Variants in NOX4 observed in about 807,000 individuals in gnomAD.
NOX4 encodes kidney oxidase-1.
NOX4 carries 69 observed loss-of-function variants against 87.6 expected under a neutral mutation model. The ratio of observed to expected loss-of-function variants is 0.79; its 90% CI spans 0.65 to 0.96. NOX4 has a LOEUF of 0.96. NOX4 is among the 40% of genes least tolerant of loss of function. The pLI, the probability that NOX4 is intolerant of heterozygous loss-of-function variation, is 0.00. For synonymous variants in NOX4, 275 were observed against 238.2 expected (o/e 1.15, Z -1.42); for missense variants, 680 against 681.5 (o/e 1.00, Z 0.02).
the NOX4 span, among the ~76,000 whole-genome samples, chr11:89,574,680 G>C: frequency 1.3e-5 from 2 of 152,062 alleles, no homozygotes; most frequent in African/African-American, 2.4e-5. Context: ...AAGTACCTGC[G>C]TGGCACTTAG....
upstream of NOX4, chr11:89,499,275 C>A (rs1427619810): frequency 6.6e-6 from 1 of 152,052 alleles, no homozygotes; most frequent in Non-Finnish European, 1.5e-5. Context: ...GGTGTTAGAG[C>A]AAGAAATTTT....
intron 11 of NOX4, among the ~76,000 whole-genome samples, chr11:89,378,394 T>A (rs953929597): frequency 1.3e-5 from 2 of 152,164 alleles, no homozygotes; most frequent in Non-Finnish European, 2.9e-5. Context: ...CATAAAGATA[T>A]CCTAATTTTT....
At chr11:89,536,447 T>G in the NOX4 span, among the ~76,000 whole-genome samples, 1 of 152,086 alleles carries the variant, frequency 6.6e-6, no homozygotes, top group Non-Finnish European at 1.5e-5. Flanking sequence ...TGCCCAGCGA[T>G]CTGGTCCTTT....
chr11:89,491,166 G>A, intron 1 of NOX4, 24 bp downstream of exon 1: 1 of 1,610,994 alleles, frequency 6.2e-7, no homozygotes. Flanking sequence ...GAGAACGCAA[G>A]GAGAGCCTAG....
chr11:89,424,667 A>C (rs1016561410), intron 7 of NOX4, among the ~76,000 whole-genome samples: 2 of 151,948 alleles, frequency 1.3e-5, no homozygotes, highest in African/African-American at 4.8e-5. Context: ...TCATATTAGT[A>C]AGTGCCATTT....
chr11:89,449,579 T>G (rs533367007), intron 3 of NOX4, 55 bp from the exon 4 acceptor site: 2 of 1,395,992 alleles, frequency 1.4e-6, no homozygotes, highest in Admixed American at 1.8e-5. Flanking sequence ...TGATAAAAGT[T>G]TTTCAGTATA....
At chr11:89,470,405 G>A (rs1242545895) in intron 2 of NOX4, among the ~76,000 whole-genome samples, 1 of 152,114 alleles carries the variant, frequency 6.6e-6, no homozygotes, top group Non-Finnish European at 1.5e-5. Flanking sequence ...GCAACTATGT[G>A]TTCTATAAAT....
intron 7 of NOX4, among the ~76,000 whole-genome samples, chr11:89,427,248 C>A (rs319043): frequency 9.9e-5 from 15 of 151,856 alleles, no homozygotes; most frequent in Non-Finnish European, 2.2e-4. Context: ...AGACCAAAGA[C>A]AGATAAAACC....
At chr11:89,448,842 C>T (rs193236771) in intron 4 of NOX4, among the ~76,000 whole-genome samples, 35 of 152,028 alleles carry the variant, frequency 2.3e-4, no homozygotes, top group Admixed American at 1.6e-3. Context: ...AAGATTGTAC[C>T]GCTGTACTCC....
chr11:89,422,618 T>G (rs894231494), intron 7 of NOX4, among the ~76,000 whole-genome samples: 2 of 152,018 alleles, frequency 1.3e-5, no homozygotes, highest in African/African-American at 4.8e-5. Flanking sequence ...TATTAGAATA[T>G]TGGAATTAGA....
intron 12 of NOX4, among the ~76,000 whole-genome samples, chr11:89,355,703 G>C (rs1254249790): frequency 6.6e-6 from 1 of 152,074 alleles, no homozygotes; most frequent in East Asian, 1.9e-4. Flanking sequence ...ATGTACTGCT[G>C]GTGGGAGTCC....
At chr11:89,535,948 G>A in the NOX4 span, among the ~76,000 whole-genome samples, 1 of 151,892 alleles carries the variant, frequency 6.6e-6, no homozygotes, top group Non-Finnish European at 1.5e-5. Context: ...GAAATCCCAC[G>A]GTCTCTGCTT....
chr11:89,518,539 C>T, the NOX4 span, among the ~76,000 whole-genome samples: 1 of 151,994 alleles, frequency 6.6e-6, no homozygotes, highest in Admixed American at 6.6e-5. Flanking sequence ...TCTGCATGTT[C>T]TTTGCAAGAG....
rs773346493 is a variant in NOX4 at position 89,432,876 on chromosome 11, T to G, written c.476-20A>C. 5 of 1,556,234 alleles carry G rather than the reference T, an allele frequency of 3.2e-6. No individual in the cohort carries two copies. Among genetic ancestry groups the G allele is most frequent in the Non-Finnish European group, 4.4e-6 (5 of 1,129,662 alleles). The stretch of plus-strand genomic sequence containing the variant: ...CAGGAACTATAAAAATGTATACAAG[T>G]AGGTTTTTACTTAAATCATAGTGAG... On this transcript the variant is annotated intron_variant, in intron 6 of 17. Coordinates refer to ENST00000263317, the MANE Select transcript of NOX4 (RefSeq NM_016931.5).
chr11:89,510,069 T>C, the NOX4 span, among the ~76,000 whole-genome samples: 2 of 152,156 alleles, frequency 1.3e-5, no homozygotes, highest in African/African-American at 4.8e-5. Context: ...TCGAAAAAGT[T>C]AGATATTGGT....
At chr11:89,546,571 GTT>G in the NOX4 span, 1 of 152,220 alleles carries the variant, frequency 6.6e-6, no homozygotes, top group East Asian at 1.9e-4. Flanking sequence ...GTCTTAGTCT[GTT>G]TTGCATTGCT....
chr11:89,331,524 A>T (rs1945469723), intron 17 of NOX4, among the ~76,000 whole-genome samples: 1 of 151,834 alleles, frequency 6.6e-6, no homozygotes. Context: ...CTATTGAAAC[A>T]TAATGTAGCT....
chr11:89,424,968 T>A (rs1943296820), intron 7 of NOX4, among the ~76,000 whole-genome samples: 1 of 152,104 alleles, frequency 6.6e-6, no homozygotes, highest in African/African-American at 2.4e-5. Flanking sequence ...ATAATCTTGT[T>A]TAAACAAATT....
the NOX4 span, among the ~76,000 whole-genome samples, chr11:89,560,976 C>CTA: frequency 1.4e-5 from 1 of 71,902 alleles, no homozygotes; most frequent in South Asian, 4.6e-4. Flanking sequence ...CTCTCTCTCT[C>CTA]TCTCTCTCTC....
Sources: allele counts gnomAD v4.1 joint callset (sites outside exome capture counted in the v4.1 genomes callset), GRCh38; gene constraint gnomAD v4.1.1; transcripts MANE v1.5; gene names NCBI Gene and HGNC (gene_info 2026-07-23, HGNC 2026-07-21).